SLC38A6: variants seen among roughly 807,000 people sequenced by gnomAD.
SLC38A6 encodes the protein N system amino acid transporter NAT-1.
A neutral mutation model predicts 65.0 loss-of-function variants in SLC38A6; 73 were observed. That is an observed-to-expected ratio of 1.12 (90% CI 0.93 to 1.37). The LOEUF is 1.37. SLC38A6 is among the 40% of genes most tolerant of loss of function. SLC38A6 has a pLI of 0.00. For missense variants in SLC38A6, 561 were observed against 531.1 expected, an observed-to-expected ratio of 1.06 and a Z score of -0.55; for synonymous variants, 183 against 178.8, an observed-to-expected ratio of 1.02 and a Z score of -0.19.
At chr14:61,070,922 T>G (rs978457293) in intron 15 of SLC38A6, among the ~76,000 whole-genome samples, 1 of 152,202 alleles carries the variant, frequency 6.6e-6, no homozygotes, top group African/African-American at 2.4e-5. Flanking sequence ...TTGTTGTAGT[T>G]CCTTCTATAT....
At chr14:61,035,803 C>G (rs1358190542) in intron 6 of SLC38A6, among the ~76,000 whole-genome samples, 1 of 152,062 alleles carries the variant, frequency 6.6e-6, no homozygotes, top group Admixed American at 6.6e-5. Flanking sequence ...CTATTGAGGT[C>G]TTGGGAATTA....
intron 5 of SLC38A6, 109 bp downstream of exon 5, chr14:61,019,689 C>A: frequency 9.2e-7 from 1 of 1,086,912 alleles, no homozygotes; most frequent in Non-Finnish European, 1.4e-6. Context: ...ACATAGCTAT[C>A]TTCAGAAGCC....
At chr14:61,064,192 A>AG (rs1415838262) in intron 15 of SLC38A6, among the ~76,000 whole-genome samples, 1 of 152,228 alleles carries the variant, frequency 6.6e-6, no homozygotes, top group Non-Finnish European at 1.5e-5. Context: ...CCCAGGCCAC[A>AG]GCCAGACATG....
chr14:61,026,740 T>G (rs193175665), intron 5 of SLC38A6, among the ~76,000 whole-genome samples: 2 of 151,866 alleles, frequency 1.3e-5, no homozygotes, highest in African/African-American at 4.8e-5. Flanking sequence ...GCGGGCTGTT[T>G]GCACCATCAC....
chr14:61,007,338 T>TAAAAG (rs139527356), intron 3 of SLC38A6, among the ~76,000 whole-genome samples: 4 of 151,130 alleles, frequency 2.6e-5, no homozygotes, highest in East Asian at 1.9e-4. Flanking sequence ...TAAAATAAAA[T>TAAAAG]AAAAGAACAG....
intron 16 of SLC38A6, among the ~76,000 whole-genome samples, chr14:61,080,595 A>T (rs78703694): frequency 0.012 from 1,868 of 152,306 alleles, 22 homozygotes; most frequent in African/African-American, 0.043. Flanking sequence ...AGCAAGTCGA[A>T]GTGGTTTGAT....
intron 3 of SLC38A6, among the ~76,000 whole-genome samples, chr14:61,011,843 C>G (rs2039594930): frequency 1.3e-5 from 2 of 152,056 alleles, no homozygotes; most frequent in African/African-American, 4.8e-5. Flanking sequence ...CTAAAATTCT[C>G]TTTTTTTGGT....
chr14:61,036,868 C>CAATTCATTA (rs1479717976), intron 6 of SLC38A6, among the ~76,000 whole-genome samples, 191 bp from the exon 7 acceptor site: 1 of 151,344 alleles, frequency 6.6e-6, no homozygotes, highest in African/African-American at 2.4e-5. Context: ...TTCTAAATGT[C>CAATTCATTA]AATTCATTAA....
chr14:61,051,364 T>C (rs898728921), intron 13 of SLC38A6, among the ~76,000 whole-genome samples: 21 of 152,312 alleles, frequency 1.4e-4, no homozygotes, highest in Middle Eastern at 3.4e-3. Flanking sequence ...TTTTTCATAT[T>C]TACAGGCTGT....
intron 3 of SLC38A6, among the ~76,000 whole-genome samples, chr14:60,992,325 C>T (rs1429431437): frequency 6.6e-6 from 1 of 152,154 alleles, no homozygotes; most frequent in East Asian, 1.9e-4. Context: ...GCTCCTCTTC[C>T]TGTACCGTAC....
At chr14:61,025,848 A>G (rs2040583576) in intron 5 of SLC38A6, among the ~76,000 whole-genome samples, 1 of 152,178 alleles carries the variant, frequency 6.6e-6, no homozygotes, top group South Asian at 2.1e-4. Context: ...AATGAGACAC[A>G]TTGAATAGAA....
At chr14:61,016,359 CAGA>C (rs2040008873) in intron 4 of SLC38A6, among the ~76,000 whole-genome samples, 1 of 152,182 alleles carries the variant, frequency 6.6e-6, no homozygotes, top group Non-Finnish European at 1.5e-5. Context: ...AACCAGTAAT[CAGA>C]AGATCATATC....
intron 11 of SLC38A6, 135 bp from the exon 12 acceptor site, chr14:61,045,932 A>G (rs1283107207): frequency 1.3e-5 from 7 of 555,636 alleles, no homozygotes; most frequent in Non-Finnish European, 2.3e-5. Flanking sequence ...CTAATTTCGA[A>G]TGAGGACTTC....
Position 61,052,433 on chromosome 14 carries a change from A to G in SLC38A6, c.*4A>G, listed in dbSNP as rs755581665. 19 of 1,560,142 alleles carry G rather than the reference A, an allele frequency of 1.2e-5. No individual in the cohort carries two copies. The highest frequency in any genetic ancestry group is 1.6e-5 in the Non-Finnish European group (18 of 1,157,336). ...TTTTGATTGGATTAATAAATAAAAGAAATATTTTCCTACTTCTTACAAGAA... is the reference window on the plus strand; with the variant it reads ...TTTTGATTGGATTAATAAATAAAAGGAATATTTTCCTACTTCTTACAAGAA... On this transcript the variant is annotated 3_prime_UTR_variant, in exon 16 of 16. Coordinates refer to ENST00000267488, the MANE Select transcript of SLC38A6 (RefSeq NM_153811.3).
At chr14:61,054,440 A>G (rs956828929), downstream of SLC38A6, among the ~76,000 whole-genome samples, 4 of 152,206 alleles carry the variant, frequency 2.6e-5, no homozygotes, top group Admixed American at 2.6e-4. Flanking sequence ...TAGGAATAGC[A>G]TTGAATCTGT....
intron 10 of SLC38A6, among the ~76,000 whole-genome samples, chr14:61,044,501 C>T (rs995683568): frequency 2.0e-5 from 3 of 152,130 alleles, no homozygotes; most frequent in Admixed American, 6.5e-5. Flanking sequence ...ACTACAGCTT[C>T]CTCTCTCCTA....
intron 3 of SLC38A6, among the ~76,000 whole-genome samples, chr14:60,992,634 G>C (rs1401565567): frequency 6.6e-6 from 1 of 151,970 alleles, no homozygotes; most frequent in Non-Finnish European, 1.5e-5. Context: ...GACTGAGTGT[G>C]AGGTGGGAAA....
chr14:61,019,684 G>C, intron 5 of SLC38A6, 104 bp downstream of exon 5: 1 of 1,170,854 alleles, frequency 8.5e-7, no homozygotes, highest in Non-Finnish European at 1.3e-6. Flanking sequence ...TGTAGACATA[G>C]CTATCTTCAG....
intron 15 of SLC38A6, chr14:61,078,714 A>G (rs1455462825): frequency 6.2e-6 from 1 of 161,376 alleles, no homozygotes; most frequent in East Asian, 1.8e-4. Flanking sequence ...CTCAGATCCT[A>G]TTAAGACCTC....
Sources: gnomAD v4.1 joint callset for allele counts (sites outside exome capture counted in the v4.1 genomes callset) on GRCh38, gnomAD v4.1.1 for gene constraint, MANE v1.5 for transcripts, NCBI Gene and HGNC (gene_info 2026-07-23, HGNC 2026-07-21) for gene names.